SGCD: variants seen among roughly 807,000 people sequenced by gnomAD.
SGCD encodes delta-sarcoglycan.
A neutral mutation model predicts 36.6 loss-of-function variants in SGCD; 18 were observed. The ratio of observed to expected loss-of-function variants is 0.49; its 90% CI spans 0.34 to 0.73. The LOEUF (loss-of-function observed/expected upper bound fraction) is 0.73, where lower values mean the gene tolerates loss of function less well. SGCD is among the 30% of genes least tolerant of loss of function. The pLI is 0.01. For synonymous variants in SGCD, 133 were observed against 130.6 expected (o/e 1.02, Z -0.12); for missense variants, 387 against 346.7 (o/e 1.12, Z -0.92).
At chr5:156,420,632 G>A (rs1051704144) in intron 3 of SGCD, among the ~76,000 whole-genome samples, 2 of 152,040 alleles carry the variant, frequency 1.3e-5, no homozygotes, top group Non-Finnish European at 2.9e-5. Context: ...TTTTTAGCAT[G>A]CTGGGGTGAC....
intron 1 of SGCD, among the ~76,000 whole-genome samples, chr5:156,100,817 T>C (rs1761500809): frequency 6.6e-6 from 1 of 152,234 alleles, no homozygotes; most frequent in Admixed American, 6.5e-5. Flanking sequence ...GTGTATACAC[T>C]AGCAGTTAAG....
chr5:155,778,073 G>T, the SGCD span, among the ~76,000 whole-genome samples: 3 of 152,014 alleles, frequency 2.0e-5, no homozygotes, highest in African/African-American at 7.3e-5. Flanking sequence ...GTACTTCTTG[G>T]CATTTTTTGA....
At chr5:156,020,889 C>T (rs944024732) in intron 1 of SGCD, among the ~76,000 whole-genome samples, 1 of 152,186 alleles carries the variant, frequency 6.6e-6, no homozygotes, top group African/African-American at 2.4e-5. Context: ...CTGCTGTGAC[C>T]TCTTGCACTC....
rs1425233666 is a variant in SGCD, at chr5:156,760,716, C to T, written c.*1326C>T. ...ATCACCCCACCTTCATCATCATGCT[C>T]CAGGGTCACCCTGGCCAGCTCTTGT... is the stretch of plus-strand genomic sequence containing the variant. On this transcript the variant is annotated 3_prime_UTR_variant, in exon 9 of 9. Transcript: ENST00000337851. 1.3e-5 allele frequency: 2 copies of T among 152,676 alleles called. No homozygotes were observed. Among genetic ancestry groups the T allele is most frequent in the African/African-American group, 2.4e-5 (1 of 41,438 alleles). The allele number at this position is 152,676 out of a possible 1,614,324, so 9.5% of individuals were successfully genotyped here.
chr5:156,479,223 G>T (rs948176250), intron 3 of SGCD, among the ~76,000 whole-genome samples: 1 of 151,966 alleles, frequency 6.6e-6, no homozygotes, highest in African/African-American at 2.4e-5. Context: ...CTCCTGAGTA[G>T]CTGCGACTAC....
intron 1 of SGCD, among the ~76,000 whole-genome samples, chr5:155,889,874 G>A (rs1285439043): frequency 6.6e-6 from 1 of 152,212 alleles, no homozygotes; most frequent in African/African-American, 2.4e-5. Context: ...GGCTGGTTGG[G>A]CTGGAATGGT....
intron 3 of SGCD, among the ~76,000 whole-genome samples, chr5:156,477,269 A>C (rs1755223204): frequency 6.6e-6 from 1 of 152,206 alleles, no homozygotes; most frequent in Non-Finnish European, 1.5e-5. Context: ...GATCCGGTAC[A>C]TTGAGCAAGT....
intron 1 of SGCD, among the ~76,000 whole-genome samples, chr5:156,328,680 C>T (rs959332560): frequency 6.6e-6 from 1 of 152,048 alleles, no homozygotes; most frequent in African/African-American, 2.4e-5. Context: ...GGAGGAGGGA[C>T]CTGGGACAGG....
intron 7 of SGCD, among the ~76,000 whole-genome samples, chr5:156,695,757 T>C (rs1226440344): frequency 6.6e-6 from 1 of 152,228 alleles, no homozygotes; most frequent in African/African-American, 2.4e-5. Flanking sequence ...TCTACTCAGT[T>C]CTGTCATCTT....
chr5:156,208,472 G>A (rs939776482), intron 3 of SGCD, among the ~76,000 whole-genome samples: 32 of 152,196 alleles, frequency 2.1e-4, no homozygotes, highest in Non-Finnish European at 3.8e-4. Context: ...AAGCACTTAT[G>A]ATTCAGCACC....
chr5:155,842,664 A>G, the SGCD span, among the ~76,000 whole-genome samples: 1 of 152,218 alleles, frequency 6.6e-6, no homozygotes, highest in African/African-American at 2.4e-5. Context: ...GGCATATATC[A>G]GTTCTGATGA....
At chr5:156,156,241 C>A (rs1023688437) in intron 3 of SGCD, among the ~76,000 whole-genome samples, 1 of 151,638 alleles carries the variant, frequency 6.6e-6, no homozygotes, top group Admixed American at 6.6e-5. Context: ...AAAGAGTACT[C>A]GGTAAGTTAG....
chr5:156,287,220 G>T (rs1012340575), intron 3 of SGCD, among the ~76,000 whole-genome samples: 4 of 152,126 alleles, frequency 2.6e-5, no homozygotes, highest in Non-Finnish European at 4.4e-5. Context: ...GTAGAAACTT[G>T]ATCAGAATAC....
At chr5:156,201,531 G>A (rs568078631) in intron 3 of SGCD, among the ~76,000 whole-genome samples, 3 of 152,186 alleles carry the variant, frequency 2.0e-5, no homozygotes, top group East Asian at 1.9e-4. Context: ...GGAGGCCCAC[G>A]GTTTAACAGA....
intron 1 of SGCD, among the ~76,000 whole-genome samples, chr5:155,908,791 A>G (rs1288573361): frequency 1.3e-5 from 2 of 152,198 alleles, no homozygotes; most frequent in South Asian, 4.1e-4. Flanking sequence ...GGACTATAAC[A>G]AATTAACTAA....
intron 7 of SGCD, among the ~76,000 whole-genome samples, chr5:156,757,261 T>A (rs1490423978): frequency 4.4e-4 from 1 of 2,260 alleles, no homozygotes; most frequent in Non-Finnish European, 1.4e-3. Flanking sequence ...GACTTACTTT[T>A]ACAAAAAAAA....
the SGCD span, among the ~76,000 whole-genome samples, chr5:155,746,935 T>G: frequency 1.3e-5 from 2 of 152,148 alleles, no homozygotes; most frequent in African/African-American, 4.8e-5. Flanking sequence ...AAGGGTGTTT[T>G]GGGGCATTCT....
the SGCD span, among the ~76,000 whole-genome samples, chr5:155,742,111 C>G: frequency 6.6e-6 from 1 of 152,078 alleles, no homozygotes; most frequent in Non-Finnish European, 1.5e-5. Context: ...CATTTTCCCT[C>G]CCATTTCACT....
At position 156,216,240 on chromosome 5, in the gene SGCD, G is replaced by C. The variant is rs141396704; in HGVS notation, c.-44+92221G>C. On this transcript the variant is annotated intron_variant, in intron 3 of 9. Coordinates refer to the SGCD transcript ENST00000517913. The stretch of plus-strand genomic sequence containing the variant: ...AGTTAGACAGAAGGATTAAGTTCAA[G>C]AGATCTAGTGTACAACAAGTTACTA... Among the ~76,000 whole-genome samples the C allele has an allele frequency of 1.9e-3, 292 of 152,238 alleles. 1 individual carries two copies. Among genetic ancestry groups the C allele is most frequent in the African/African-American group, 6.7e-3 (278 of 41,542 alleles).
Sources: allele counts gnomAD v4.1 joint callset (sites outside exome capture counted in the v4.1 genomes callset), GRCh38; gene constraint gnomAD v4.1.1; transcripts MANE v1.5; gene names NCBI Gene and HGNC (gene_info 2026-07-23, HGNC 2026-07-21).